CYB5R4: variants seen among roughly 807,000 people sequenced by gnomAD.
CYB5R4 encodes the protein cytochrome b5 reductase 4.
CYB5R4 carries 55 observed loss-of-function variants against 70.2 expected under a neutral mutation model. That is an observed-to-expected ratio of 0.78 (90% CI 0.63 to 0.98). The LOEUF (loss-of-function observed/expected upper bound fraction) is 0.98. Ranked by LOEUF, CYB5R4 falls within the 50% of genes least tolerant of loss-of-function variation. The pLI, the probability that CYB5R4 is intolerant of heterozygous loss-of-function variation, is 0.00. For missense variants in CYB5R4, 562 were observed against 612.6 expected, an observed-to-expected ratio of 0.92 and a Z score of 0.87; for synonymous variants, 197 against 199.5, an observed-to-expected ratio of 0.99 and a Z score of 0.11.
chr6:83,949,360 G>T (rs1455978123), intron 14 of CYB5R4, among the ~76,000 whole-genome samples: 5 of 151,992 alleles, frequency 3.3e-5, no homozygotes, highest in South Asian at 2.1e-4. Flanking sequence ...AAGTTGAGAT[G>T]ATTTTAATTA....
At chr6:83,871,811 T>C (rs535317325) in intron 2 of CYB5R4, among the ~76,000 whole-genome samples, 11 of 152,150 alleles carry the variant, frequency 7.2e-5, no homozygotes, top group Non-Finnish European at 1.2e-4. Context: ...TTAATGTCTT[T>C]AAGTTCTATG....
At chr6:83,935,416 GTTTTTCATCACTAATGGCTGGTTTTCTC>G (rs1157720236) in intron 11 of CYB5R4, among the ~76,000 whole-genome samples, 2 of 152,222 alleles carry the variant, frequency 1.3e-5, no homozygotes, top group East Asian at 1.9e-4. Flanking sequence ...AAGGTTTTCT[GTTTTTCATCACTAATGGCTGGTTTTCTC>G]TTTTTCATCA....
intron 2 of CYB5R4, among the ~76,000 whole-genome samples, chr6:83,867,948 C>T (rs1163051483): frequency 1.3e-5 from 2 of 152,188 alleles, no homozygotes; most frequent in African/African-American, 2.4e-5. Context: ...TTTCCAGCTA[C>T]CCTCCACTTG....
intron 14 of CYB5R4, among the ~76,000 whole-genome samples, chr6:83,951,848 G>A (rs2099471589): frequency 6.6e-6 from 1 of 152,148 alleles, no homozygotes; most frequent in Non-Finnish European, 1.5e-5. Flanking sequence ...AGATCCTTGA[G>A]GAATCGCCAC....
chr6:83,960,183 C>CT lies in CYB5R4; in HGVS notation c.*307dup, dbSNP rs2099473107. 1 of 214,716 alleles carries CT rather than the reference C, an allele frequency of 4.7e-6. No individual in the cohort carries two copies. The highest frequency in any genetic ancestry group is 9.1e-6 in the Non-Finnish European group (1 of 109,704). 13.3% of individuals were successfully genotyped at this position (214,716 alleles called of 1,614,324 possible). On this transcript the variant is annotated 3_prime_UTR_variant, in exon 16 of 16. Coordinates refer to ENST00000369681, the MANE Select transcript of CYB5R4 (RefSeq NM_016230.4). ...TTATATCACTGTTCTACAATAAGCA[C>CT]TTGTGTTTTATGACATGATAAAGTA... is the stretch of plus-strand genomic sequence containing the variant.
At chr6:83,906,910 A>G (rs1202059253) in intron 3 of CYB5R4, among the ~76,000 whole-genome samples, 1 of 152,132 alleles carries the variant, frequency 6.6e-6, no homozygotes, top group Non-Finnish European at 1.5e-5. Flanking sequence ...ATGGCATTAT[A>G]TATTGATTTT....
chr6:83,864,663 C>G lies in CYB5R4; in HGVS notation c.229+335C>G, dbSNP rs1562824891. Among the ~76,000 whole-genome samples, 3 of 152,088 alleles carry G rather than the reference C, an allele frequency of 2.0e-5. 1 individual carries two copies. In the South Asian group the frequency reaches 6.2e-4, roughly 32 times the overall value. ...AGTTTATATAGCAATAACTTTCTGT[C>G]TCAGAGCCTTATAACAGAATTCTGT... On this transcript the variant is annotated intron_variant, in intron 2 of 15. Transcript: ENST00000369681.
intron 2 of CYB5R4, among the ~76,000 whole-genome samples, chr6:83,870,645 CAGTT>C (rs1314378075): frequency 3.3e-5 from 5 of 151,888 alleles, no homozygotes. Context: ...ATTATTATTA[CAGTT>C]AGTTCAACCA....
chr6:83,918,985 C>A (rs61763823), intron 6 of CYB5R4, among the ~76,000 whole-genome samples: 1 of 152,080 alleles, frequency 6.6e-6, no homozygotes, highest in Admixed American at 6.5e-5. Flanking sequence ...ATTAAACAAC[C>A]TTGATGAGTT....
intron 14 of CYB5R4, among the ~76,000 whole-genome samples, chr6:83,951,474 C>T (rs1383136407): frequency 6.6e-6 from 1 of 152,134 alleles, no homozygotes; most frequent in Admixed American, 6.6e-5. Context: ...GGAACGTTCC[C>T]CTCCCTGTGT....
rs747437261 is a variant in CYB5R4 at position 83,893,622 on chromosome 6, G to A, written c.330G>A (p.Gln110=). ...AGSDGTELFD[Q]VHRWVNYESM... is the part of the protein sequence containing the mutation. ...CAGATGGTACTGAACTTTTTGATCA[G>A]GTAAGATGTGCTGAAAGTAACCAAA... The change falls in exon 3 of 16, where the codon CAG becomes CAA. Residue 110 remains glutamine, a splice_region_variant and synonymous_variant. Coordinates refer to ENST00000369681, the MANE Select transcript of CYB5R4 (RefSeq NM_016230.4). 11 of 1,582,628 alleles carry A rather than the reference G, an allele frequency of 7.0e-6. 1 individual carries two copies. The Admixed American group carries it at 1.4e-4, about 20-fold the overall frequency.
At chr6:83,904,067 TTTC>T (rs1203510904) in intron 3 of CYB5R4, among the ~76,000 whole-genome samples, 1 of 152,162 alleles carries the variant, frequency 6.6e-6, no homozygotes, top group Non-Finnish European at 1.5e-5. Context: ...TATTATTTCT[TTTC>T]TTCTCCTAAT....
In CYB5R4 at chr6:83,905,824, C is replaced by T. The variant is rs561121334; in HGVS notation, c.331-3185C>T. On this transcript the variant is annotated intron_variant, in intron 3 of 15. Transcript: ENST00000369681. ...GATGACCTCTGGGTCCCAGGTGGTA[C>T]ACGCTTATGTTGGTGGAGGCTGTTA... Among the ~76,000 whole-genome samples the T allele has an allele frequency of 5.3e-5, 8 of 151,954 alleles. No individual in the cohort carries two copies. The East Asian group carries it at 1.2e-3, about 22-fold the overall frequency.
At chr6:83,902,569 A>G (rs2099463153) in intron 3 of CYB5R4, among the ~76,000 whole-genome samples, 1 of 152,220 alleles carries the variant, frequency 6.6e-6, no homozygotes, top group East Asian at 1.9e-4. Context: ...TAACAGTGGT[A>G]TTTTGATAAG....
intron 2 of CYB5R4, among the ~76,000 whole-genome samples, chr6:83,873,235 C>CTTTTTTTTT (rs927399068): frequency 2.0e-5 from 2 of 99,810 alleles, no homozygotes; most frequent in African/African-American, 4.3e-5. Context: ...GGGTATCCTT[C>CTTTTTTTTT]TTTTTTTTTT....
Position 83,939,339 on chromosome 6 carries a change from G to A in CYB5R4, c.1109-717G>A, listed in dbSNP as rs574948120. 2.2e-4 allele frequency among the ~76,000 whole-genome samples: 34 copies of A among 152,140 alleles called. No homozygotes were observed. The South Asian group carries it at 5.6e-3, about 25-fold the overall frequency. On this transcript the variant is annotated intron_variant, in intron 12 of 15. Transcript: ENST00000369681. ...TAAAGGTAATTTTCTCATATGAATG[G>A]TACATGGTGATTATATCAACTGGGC...
intron 10 of CYB5R4, among the ~76,000 whole-genome samples, chr6:83,932,934 C>A (rs1309028511): frequency 2.6e-5 from 4 of 152,164 alleles, no homozygotes; most frequent in African/African-American, 9.7e-5. Context: ...TGAACCTAGC[C>A]TTCTAGGACC....
At chr6:83,914,493 A>G (rs1255995982) in intron 5 of CYB5R4, 45 bp downstream of exon 5, 2 of 1,421,698 alleles carry the variant, frequency 1.4e-6, no homozygotes, top group Non-Finnish European at 1.9e-6. Flanking sequence ...TCACATGCTT[A>G]TGAATAGTAT....
chr6:83,877,671 G>A (rs6909823), intron 2 of CYB5R4, among the ~76,000 whole-genome samples: 1 of 151,978 alleles, frequency 6.6e-6, no homozygotes, highest in Admixed American at 6.6e-5. Flanking sequence ...GATCTACCCC[G>A]ATGAACCAGA....
Sources: gnomAD v4.1 joint callset for allele counts (sites outside exome capture counted in the v4.1 genomes callset) on GRCh38, gnomAD v4.1.1 for gene constraint, MANE v1.5 for transcripts, NCBI Gene and HGNC (gene_info 2026-07-23, HGNC 2026-07-21) for gene names.